HHAT: variants seen among roughly 807,000 people sequenced by gnomAD.
The protein encoded by HHAT is hedgehog acyltransferase.
Under a neutral mutation model 70.8 loss-of-function variants are expected in HHAT, and 47 were observed. The observed-to-expected ratio is 0.66, with a 90% CI of 0.53 to 0.85. The LOEUF (loss-of-function observed/expected upper bound fraction) is 0.85, where lower values mean the gene tolerates loss of function less well. HHAT is among the 40% of genes least tolerant of loss of function. HHAT has a pLI of 0.00. For synonymous variants in HHAT, 228 were observed against 247.6 expected, an observed-to-expected ratio of 0.92 and a Z score of 0.74; for missense variants, 609 against 604.8, an observed-to-expected ratio of 1.01 and a Z score of -0.07.
chr1:210,452,676 C>A (rs1262967584), intron 7 of HHAT, among the ~76,000 whole-genome samples: 1 of 152,166 alleles, frequency 6.6e-6, no homozygotes, highest in Non-Finnish European at 1.5e-5. Context: ...TTAAGAGGAG[C>A]AAAGACAGTG....
At chr1:210,605,607 C>T (rs778087599) in intron 10 of HHAT, among the ~76,000 whole-genome samples, 1 of 152,082 alleles carries the variant, frequency 6.6e-6, no homozygotes, top group Non-Finnish European at 1.5e-5. Context: ...GCCTTATAGG[C>T]GTGTATTATC....
chr1:210,595,387 C>T (rs186648417), intron 10 of HHAT, among the ~76,000 whole-genome samples: 1 of 152,206 alleles, frequency 6.6e-6, no homozygotes, highest in South Asian at 2.1e-4. Flanking sequence ...TGGGTTGGTT[C>T]CAAGTCTTTG....
chr1:210,613,641 A>G (rs35497872), intron 10 of HHAT, among the ~76,000 whole-genome samples: 12,628 of 152,066 alleles, frequency 0.083, 673 homozygotes, highest in Middle Eastern at 0.15. Context: ...GGGGTTTTCT[A>G]TTTTTCCAAA....
chr1:210,500,981 G>A (rs999336289), intron 8 of HHAT, among the ~76,000 whole-genome samples: 3 of 152,224 alleles, frequency 2.0e-5, no homozygotes, highest in African/African-American at 7.2e-5. Flanking sequence ...CCTCTGGGAA[G>A]CCCTTCCTGC....
intron 8 of HHAT, among the ~76,000 whole-genome samples, chr1:210,509,295 TGA>T (rs1485954432): frequency 1.3e-5 from 2 of 152,236 alleles, no homozygotes; most frequent in African/African-American, 4.8e-5. Context: ...AGCATTTTTA[TGA>T]GTGTCTCATT....
chr1:210,596,611 C>T (rs1413056820), intron 10 of HHAT, among the ~76,000 whole-genome samples: 1 of 152,032 alleles, frequency 6.6e-6, no homozygotes, highest in East Asian at 1.9e-4. Context: ...GACTCTGAGG[C>T]ATTCTTCAGT....
At chr1:210,410,878 C>T (rs1025821076) in intron 6 of HHAT, among the ~76,000 whole-genome samples, 6 of 152,154 alleles carry the variant, frequency 3.9e-5, no homozygotes. Context: ...AGGCAGTCAG[C>T]ACCAGAAAAG....
intron 11 of HHAT, among the ~76,000 whole-genome samples, chr1:210,654,126 A>AGAATAGTGTGATGG (rs1675850516): frequency 9.6e-3 from 1 of 104 alleles, no homozygotes; most frequent in Non-Finnish European, 0.025. Context: ...GTGTGACAGC[A>AGAATAGTGTGATGG]GAATAGTGTG....
intron 10 of HHAT, among the ~76,000 whole-genome samples, chr1:210,616,736 G>A (rs986253023): frequency 1.3e-5 from 2 of 152,216 alleles, no homozygotes; most frequent in Non-Finnish European, 2.9e-5. Flanking sequence ...TTAGAGAAAC[G>A]TATGTGAATT....
chr1:210,332,181 C>T (rs1168942050), intron 1 of HHAT, among the ~76,000 whole-genome samples: 2 of 152,180 alleles, frequency 1.3e-5, no homozygotes, highest in African/African-American at 4.8e-5. Flanking sequence ...CCTCTTTGGC[C>T]CGAGTAGTGA....
At chr1:210,424,664 T>A (rs2093008238) in intron 7 of HHAT, among the ~76,000 whole-genome samples, 1 of 152,172 alleles carries the variant, frequency 6.6e-6, no homozygotes, top group Admixed American at 6.5e-5. Flanking sequence ...ACCATGTCCC[T>A]GCAAAGGACA....
intron 11 of HHAT, among the ~76,000 whole-genome samples, chr1:210,628,960 C>T (rs1055012475): frequency 4.6e-5 from 7 of 152,156 alleles, no homozygotes; most frequent in Admixed American, 6.6e-5. Flanking sequence ...CTTTGTTTCG[C>T]GGTCTTTCCT....
upstream of HHAT, among the ~76,000 whole-genome samples, chr1:210,327,442 A>G (rs947239389): frequency 1.3e-5 from 2 of 151,886 alleles, no homozygotes; most frequent in African/African-American, 4.8e-5. Flanking sequence ...AAAAAAAATA[A>G]GTATATCCCA....
At chr1:210,328,890 C>A, upstream of HHAT, 1 of 668,458 alleles carries the variant, frequency 1.5e-6, no homozygotes. Flanking sequence ...AGTCCGGGCG[C>A]GGAGGGCGCG....
intron 8 of HHAT, among the ~76,000 whole-genome samples, chr1:210,475,751 T>C (rs2094295865): frequency 6.6e-6 from 1 of 152,238 alleles, no homozygotes; most frequent in Admixed American, 6.5e-5. Flanking sequence ...CGTATTCTTT[T>C]TGTAATATGG....
At chr1:210,505,169 G>GTTC (rs1361066123) in intron 8 of HHAT, among the ~76,000 whole-genome samples, 4 of 152,186 alleles carry the variant, frequency 2.6e-5, no homozygotes, top group Non-Finnish European at 5.9e-5. Flanking sequence ...AAAGTGCTGG[G>GTTC]ATTACAGGCA....
chr1:210,421,830 A>G (rs2092913636), intron 7 of HHAT, among the ~76,000 whole-genome samples: 1 of 152,092 alleles, frequency 6.6e-6, no homozygotes, highest in Non-Finnish European at 1.5e-5. Context: ...GATTCATAAA[A>G]TTTATATTAT....
chr1:210,502,975 T>A (rs1287772191), intron 8 of HHAT, among the ~76,000 whole-genome samples: 7 of 151,184 alleles, frequency 4.6e-5, no homozygotes, highest in South Asian at 4.2e-4. Context: ...TGAAGATATT[T>A]TTTTTTTTTT....
At chr1:210,568,602 G>T (rs1025294082) in intron 9 of HHAT, among the ~76,000 whole-genome samples, 1 of 152,172 alleles carries the variant, frequency 6.6e-6, no homozygotes, top group African/African-American at 2.4e-5. Flanking sequence ...CAAGCATAGG[G>T]GCTCAAGAGC....
Sources: allele counts gnomAD v4.1 joint callset (sites outside exome capture counted in the v4.1 genomes callset), GRCh38; gene constraint gnomAD v4.1.1; transcripts MANE v1.5; gene names NCBI Gene and HGNC (gene_info 2026-07-23, HGNC 2026-07-21).